PPFIA1: variants seen among roughly 807,000 people sequenced by gnomAD.
PPFIA1 encodes PPFI scaffold protein A1.
In PPFIA1, 25 loss-of-function variants were observed where a neutral mutation model predicts 149.9. That is an observed-to-expected ratio of 0.17 (90% confidence interval 0.12 to 0.23). The LOEUF is 0.23. PPFIA1 is among the 10% of genes least tolerant of loss of function. The pLI, the probability that PPFIA1 is intolerant of heterozygous loss-of-function variation, is 1.00. For missense variants in PPFIA1, 1,362 were observed against 1,506.5 expected, an observed-to-expected ratio of 0.90 and a Z score of 1.59; for synonymous variants, 549 against 552.8, an observed-to-expected ratio of 0.99 and a Z score of 0.10.
intron 2 of PPFIA1, among the ~76,000 whole-genome samples, chr11:70,272,970 T>G (rs146444736): frequency 6.8e-4 from 104 of 152,382 alleles, no homozygotes; most frequent in African/African-American, 2.5e-3. Flanking sequence ...AACTTTTTCC[T>G]TGGCAGATGA....
intron 11 of PPFIA1, 120 bp from the exon 12 acceptor site, chr11:70,337,245 G>A: frequency 1.6e-6 from 1 of 615,852 alleles, no homozygotes; most frequent in Non-Finnish European, 2.7e-6. Flanking sequence ...GTGCTTGCTG[G>A]TGTGCTCTTT....
chr11:70,350,210 G>C (rs1188855558), intron 16 of PPFIA1, among the ~76,000 whole-genome samples: 1 of 152,092 alleles, frequency 6.6e-6, no homozygotes, highest in African/African-American at 2.4e-5. Flanking sequence ...GTGTTTAAGA[G>C]TTTTTTTACT....
rs757126498 is a variant in PPFIA1 at position 70,333,502 on chromosome 11, G to A, written c.1245G>A (p.Arg415=). 4 of 1,613,428 alleles carry A rather than the reference G, an allele frequency of 2.5e-6. No homozygotes were observed. The highest frequency in any genetic ancestry group is 3.4e-6 in the Non-Finnish European group (4 of 1,179,794). The change falls in exon 10 of 28, where the codon AGG becomes AGA. Residue 415 remains arginine (R), a synonymous_variant. Coordinates refer to ENST00000253925, the MANE Select transcript of PPFIA1 (RefSeq NM_003626.5). ...AGAGACACGGCAACATTGAAGAAAG[G>A]TTACGACAGATGGAAGCACAGTTGG... ...AEERHGNIEE[R]LRQMEAQLEE...
At chr11:70,347,567 G>A (rs1456582944) in intron 15 of PPFIA1, among the ~76,000 whole-genome samples, 2 of 152,148 alleles carry the variant, frequency 1.3e-5, no homozygotes, top group South Asian at 2.1e-4. Flanking sequence ...TGAGCCAGGC[G>A]TGGTAGTGCA....
chr11:70,306,576 T>A (rs1391830248), intron 2 of PPFIA1, among the ~76,000 whole-genome samples: 1 of 152,232 alleles, frequency 6.6e-6, no homozygotes, highest in African/African-American at 2.4e-5. Context: ...GTATAAATGC[T>A]TGGGCATGAC....
At chr11:70,298,241 T>C (rs750750623) in intron 2 of PPFIA1, among the ~76,000 whole-genome samples, 8 of 152,214 alleles carry the variant, frequency 5.3e-5, no homozygotes, top group African/African-American at 1.4e-4. Flanking sequence ...ACAAGAAATA[T>C]TGCCTTTTTG....
In PPFIA1 at chr11:70,331,765, G is replaced by T. The variant is rs530826669; in HGVS notation, c.1078-195G>T. On this transcript the variant is annotated intron_variant, in intron 8 of 27. Coordinates refer to ENST00000253925, the MANE Select transcript of PPFIA1 (RefSeq NM_003626.5). ...ACTGCACTCCAGCCTGGGTGACAAAGCGAGACTATGTCTCAAAAACAAAAA... is the reference window on the plus strand; with the variant it reads ...ACTGCACTCCAGCCTGGGTGACAAATCGAGACTATGTCTCAAAAACAAAAA... Among the ~76,000 whole-genome samples, 5 of 150,744 alleles carry T rather than the reference G, an allele frequency of 3.3e-5. No homozygotes were observed. In the South Asian group the frequency reaches 1.1e-3, roughly 32 times the overall value.
At chr11:70,310,344 G>C (rs550266840) in intron 2 of PPFIA1, among the ~76,000 whole-genome samples, 2 of 150,644 alleles carry the variant, frequency 1.3e-5, no homozygotes, top group East Asian at 2.0e-4. Context: ...TAAGCCAGAA[G>C]TTAAGAGAGA....
At position 70,348,203 on chromosome 11, in the gene PPFIA1, A is replaced by G; in HGVS notation, c.1946A>G (p.Glu649Gly). The change falls in exon 16 of 28, where the codon GAA (glutamate) becomes GGA (glycine). Residue 649 changes from glutamate (E) to glycine (G), a missense_variant. Physicochemically the swap from Glu to Gly is moderately conservative, Grantham distance 98. Around this residue, in one of 7 missense-constraint regions of PPFIA1, gnomAD observed 733 missense variants for 744.1 expected, o/e 0.99. Transcript: ENST00000253925. ...INKEIRLIQEEKENTEQRAEE... is the reference protein window; with the variant it reads ...INKEIRLIQEGKENTEQRAEE... ...TTTTATTTTAGGTTGATTCAGGAAG[A>G]AAAAGAAAATACAGAGCAGCGGGCA... 2 of 1,614,206 alleles carry G rather than the reference A, an allele frequency of 1.2e-6. No homozygotes were observed. The highest frequency in any genetic ancestry group is 1.7e-6 in the Non-Finnish European group (2 of 1,180,022).
intron 2 of PPFIA1, among the ~76,000 whole-genome samples, chr11:70,296,828 T>C (rs2052078362): frequency 6.6e-6 from 1 of 151,592 alleles, no homozygotes; most frequent in Non-Finnish European, 1.5e-5. Context: ...ATGGAGAGGA[T>C]TGCTTGTTAA....
intron 2 of PPFIA1, among the ~76,000 whole-genome samples, chr11:70,313,557 C>G (rs928614647): frequency 6.6e-6 from 1 of 151,994 alleles, no homozygotes; most frequent in African/African-American, 2.4e-5. Flanking sequence ...GTGGGCAGTT[C>G]TAGAAGATAT....
At position 70,372,205 on chromosome 11, in the gene PPFIA1, T is replaced by G; in HGVS notation, c.2866-10T>G. 1 of 1,589,640 alleles carries G rather than the reference T, an allele frequency of 6.3e-7. No homozygotes were observed. The highest frequency in any genetic ancestry group is 8.5e-7 in the Non-Finnish European group (1 of 1,169,888). On this transcript the variant is annotated splice_polypyrimidine_tract_variant and intron_variant, in intron 21 of 27. Transcript: ENST00000253925. ...CTCTGTAACTGACCTTTTCCATTTA[T>G]GAAAAGCAGACACTCGCCTATGGGG... is the stretch of plus-strand genomic sequence containing the variant.
chr11:70,322,424 A>G (rs1444203167), intron 2 of PPFIA1, among the ~76,000 whole-genome samples: 1 of 152,182 alleles, frequency 6.6e-6, no homozygotes, highest in Admixed American at 6.5e-5. Flanking sequence ...GTGGGAGGAC[A>G]TGGACAGAAG....
At chr11:70,369,129 T>C (rs1333462498) in intron 21 of PPFIA1, among the ~76,000 whole-genome samples, 1 of 152,074 alleles carries the variant, frequency 6.6e-6, no homozygotes, top group Non-Finnish European at 1.5e-5. Context: ...CACTGTAGGG[T>C]TTTTGTAAAT....
At chr11:70,277,563 G>A (rs560387073) in intron 2 of PPFIA1, among the ~76,000 whole-genome samples, 6 of 151,224 alleles carry the variant, frequency 4.0e-5, no homozygotes, top group South Asian at 2.1e-4. Context: ...CGATCTTGGC[G>A]CACTGCAACC....
At chr11:70,380,854 GACAGGGTCTC>G (rs1027766210) in intron 26 of PPFIA1, among the ~76,000 whole-genome samples, 47 of 151,908 alleles carry the variant, frequency 3.1e-4, no homozygotes, top group Admixed American at 1.1e-3. Context: ...TTATTATTGA[GACAGGGTCTC>G]ACTCTGTTGC....
intron 2 of PPFIA1, among the ~76,000 whole-genome samples, chr11:70,278,069 C>T (rs1223374604): frequency 6.6e-6 from 1 of 151,806 alleles, no homozygotes; most frequent in Non-Finnish European, 1.5e-5. Flanking sequence ...TGCCACCACG[C>T]CCAGCTAATT....
At chr11:70,315,064 A>G (rs1195165307) in intron 2 of PPFIA1, among the ~76,000 whole-genome samples, 4 of 152,232 alleles carry the variant, frequency 2.6e-5, no homozygotes, top group Non-Finnish European at 5.9e-5. Context: ...AACCGCCCTC[A>G]TGATCCAGTT....
At chr11:70,321,122 G>A (rs2053913865) in intron 2 of PPFIA1, 1 of 152,144 alleles carries the variant, frequency 6.6e-6, no homozygotes, top group African/African-American at 2.4e-5. Flanking sequence ...TCATGAGGGT[G>A]GACTCCTTGT....
Sources: gnomAD v4.1 joint callset for allele counts (sites outside exome capture counted in the v4.1 genomes callset) on GRCh38, gnomAD v4.1.1 for gene constraint, gnomAD v4.1.1 regional missense constraint, MANE v1.5 for transcripts, NCBI Gene and HGNC (gene_info 2026-07-23, HGNC 2026-07-21) for gene names.